Variants in RASSF6 observed in about 807,000 individuals in gnomAD.
The protein encoded by RASSF6 is ras association domain-containing protein 6.
In RASSF6, 52 loss-of-function variants were observed where a neutral mutation model predicts 44.0. The ratio of observed to expected loss-of-function variants is 1.18; its 90% CI spans 0.95 to 1.49. RASSF6 has a LOEUF of 1.49. Ranked by LOEUF, RASSF6 falls within the 40% of genes most tolerant of loss-of-function variation. The probability of loss-of-function intolerance (pLI) is 0.00; values close to 1 mark genes in which losing one functional copy is unlikely to be tolerated. For missense variants in RASSF6, 464 were observed against 393.3 expected, an observed-to-expected ratio of 1.18 and a Z score of -1.52; for synonymous variants, 162 against 124.6, an observed-to-expected ratio of 1.30 and a Z score of -2.00.
chr4:73,571,749 TATAAAG>T lies in RASSF6; in HGVS notation c.*4480_*4485del, dbSNP rs1249580694. 6.6e-6 allele frequency: 1 copy of T among 151,930 alleles called. No individual in the cohort carries two copies. The highest frequency in any genetic ancestry group is 2.4e-5 in the African/African-American group (1 of 41,398). The allele number at this position is 151,930 out of a possible 1,614,324, so 9.4% of individuals were successfully genotyped here. A position where few individuals can be genotyped will look rare whatever the true frequency, so the allele number is the denominator to read the frequency against. ...GACACAATATTAGGTACAGAAAAGC[TATAAAG>T]ATAAATGTGACACATTCTTTACCAT... On this transcript the variant is annotated 3_prime_UTR_variant, in exon 11 of 11. Coordinates refer to ENST00000307439, the MANE Select transcript of RASSF6 (RefSeq NM_177532.5).
chr4:73,585,388 C>G (rs370363934), intron 5 of RASSF6, 24 bp from the exon 6 acceptor site: 66 of 1,483,686 alleles, frequency 4.4e-5, no homozygotes, highest in Non-Finnish European at 5.9e-5. Flanking sequence ...ATTATAAGCT[C>G]ATATCATTCA....
At chr4:73,608,745 C>T (rs1241504923) in intron 2 of RASSF6, among the ~76,000 whole-genome samples, 1 of 152,166 alleles carries the variant, frequency 6.6e-6, no homozygotes, top group Non-Finnish European at 1.5e-5. Flanking sequence ...GAATGATGCC[C>T]TCCTCTTAGA....
In RASSF6 at chr4:73,576,245, G is replaced by T. The variant is rs542116079; in HGVS notation, c.1004C>A (p.Thr335Lys). 8.4e-6 allele frequency: 13 copies of T among 1,545,428 alleles called. No homozygotes were observed. Among genetic ancestry groups the T allele is most frequent in the Non-Finnish European group, 1.1e-5 (12 of 1,123,586 alleles). ...TAGAAGCTTGTACTGCTAAACTGTT[G>T]TCTCTGTTTTTATTACTAGTTTATT... is the stretch of plus-strand genomic sequence containing the variant. ...LQNKLVIKTE[T>K]TV is the part of the protein sequence containing the mutation. The change falls in exon 11 of 11, where the codon ACA (threonine) becomes AAA (lysine). Residue 335 changes from threonine to lysine, a missense_variant. By Grantham distance (78) the Thr-to-Lys change is moderately conservative (BLOSUM62 -1). Transcript: ENST00000307439.
At chr4:73,583,683 C>T (rs1267146738) in intron 6 of RASSF6, among the ~76,000 whole-genome samples, 5 of 152,068 alleles carry the variant, frequency 3.3e-5, no homozygotes, top group Non-Finnish European at 5.9e-5. Flanking sequence ...CAGTGAATGA[C>T]ATTTGTGTAA....
chr4:73,600,377 C>T lies in RASSF6; in HGVS notation c.66-1659G>A, dbSNP rs894433098. Among the ~76,000 whole-genome samples, 6 of 150,716 alleles carry T rather than the reference C, an allele frequency of 4.0e-5. No individual in the cohort carries two copies. The South Asian group carries it at 1.1e-3, about 26-fold the overall frequency. ...AGGAAGAAAAGCTTTCTCATATAAG[C>T]GGTTTTATAAAAAAAAAAAAGACCC... On this transcript the variant is annotated intron_variant, in intron 2 of 10. Coordinates refer to ENST00000307439, the MANE Select transcript of RASSF6 (RefSeq NM_177532.5).
chr4:73,607,698 C>T (rs1021133844), intron 2 of RASSF6, among the ~76,000 whole-genome samples: 3 of 141,440 alleles, frequency 2.1e-5, no homozygotes, highest in Non-Finnish European at 3.1e-5. Flanking sequence ...GAATCAGAAA[C>T]TCTGGGGATG....
Position 73,574,784 on chromosome 4 carries a change from A to G in RASSF6, c.*1451T>C, listed in dbSNP as rs2149359447. On this transcript the variant is annotated 3_prime_UTR_variant, in exon 11 of 11. Transcript: ENST00000307439. ...TCATATCTACCTTTTTTTTCTATGT[A>G]AGACTTGGTTCTTCTCTTATACATT... is the stretch of plus-strand genomic sequence containing the variant. The G allele has an allele frequency of 6.6e-6, 1 of 151,772 alleles. No homozygotes were observed. Among genetic ancestry groups the G allele is most frequent in the South Asian group, 2.1e-4 (1 of 4,802 alleles). The allele number at this position is 151,772 out of a possible 1,614,324, so 9.4% of individuals were successfully genotyped here.
At chr4:73,606,114 C>A (rs1239044792) in intron 2 of RASSF6, among the ~76,000 whole-genome samples, 1 of 152,186 alleles carries the variant, frequency 6.6e-6, no homozygotes, top group South Asian at 2.1e-4. Context: ...CATACACACC[C>A]CTGTGTTTAT....
rs746764672 is a variant in RASSF6, at chr4:73,581,888, A to T, written c.670-20T>A. 5 of 1,590,556 alleles carry T rather than the reference A, an allele frequency of 3.1e-6. No individual in the cohort carries two copies. The highest frequency in any genetic ancestry group is 4.3e-6 in the Non-Finnish European group (5 of 1,159,650). Reference sequence around the variant, plus strand: ...TTCAATCTGTCAAGGGAAAAAATGAACAAATATAAATTCTTTGTTGTTATA... The same window carrying T: ...TTCAATCTGTCAAGGGAAAAAATGATCAAATATAAATTCTTTGTTGTTATA... On this transcript the variant is annotated intron_variant, in intron 7 of 10. Coordinates refer to ENST00000307439, the MANE Select transcript of RASSF6 (RefSeq NM_177532.5).
intron 2 of RASSF6, among the ~76,000 whole-genome samples, chr4:73,601,607 G>A (rs1725282120): frequency 6.6e-6 from 1 of 152,198 alleles, no homozygotes; most frequent in Admixed American, 6.5e-5. Context: ...GCAATACAAA[G>A]CAAGGAATTA....
intron 8 of RASSF6, among the ~76,000 whole-genome samples, chr4:73,580,218 A>C (rs1191195614): frequency 2.3e-3 from 352 of 151,326 alleles, no homozygotes; most frequent in African/African-American, 7.3e-3. Context: ...TTTTTTATGG[A>C]TGCATAGTAT....
At chr4:73,610,961 C>T (rs1282881685) in intron 2 of RASSF6, among the ~76,000 whole-genome samples, 5 of 152,178 alleles carry the variant, frequency 3.3e-5, no homozygotes, top group Non-Finnish European at 5.9e-5. Context: ...TTTCCCACTG[C>T]TTATAGTTCA....
chr4:73,582,952 A>C (rs1340557742), intron 6 of RASSF6, among the ~76,000 whole-genome samples: 3 of 152,104 alleles, frequency 2.0e-5, no homozygotes, highest in African/African-American at 7.2e-5. Flanking sequence ...AAGTATGAGA[A>C]AATTCAATAT....
intron 8 of RASSF6, among the ~76,000 whole-genome samples, chr4:73,578,351 T>C (rs1723380870): frequency 6.6e-6 from 1 of 152,160 alleles, no homozygotes; most frequent in African/African-American, 2.4e-5. Context: ...TCAAATCTTG[T>C]ACAACCTAGC....
intron 5 of RASSF6, among the ~76,000 whole-genome samples, chr4:73,587,604 T>C (rs1400971575): frequency 6.6e-6 from 1 of 151,976 alleles, no homozygotes. Flanking sequence ...TGACATAATA[T>C]AATTTTTTTA....
In RASSF6 at chr4:73,608,027, C is replaced by T. The variant is rs1725766084; in HGVS notation, c.65+3704G>A. Among the ~76,000 whole-genome samples the T allele has an allele frequency of 1.7e-5, 2 of 114,288 alleles. 1 individual carries two copies. Among genetic ancestry groups the T allele is most frequent in the Non-Finnish European group, 3.7e-5 (2 of 54,482 alleles). 75.0% of individuals were successfully genotyped at this position (114,288 alleles called of 152,430 possible). A position where few individuals can be genotyped will look rare whatever the true frequency, so the allele number is the denominator to read the frequency against. The stretch of plus-strand genomic sequence containing the variant: ...CTCCTCTCCTCTCCTCTCCTCCATC[C>T]CCTCCCCTCCCCTCCCCTCTCCTCT... On this transcript the variant is annotated intron_variant, in intron 2 of 10. Coordinates refer to ENST00000307439, the MANE Select transcript of RASSF6 (RefSeq NM_177532.5).
chr4:73,591,024 C>A (rs1724510563), intron 4 of RASSF6, among the ~76,000 whole-genome samples: 1 of 152,012 alleles, frequency 6.6e-6, no homozygotes, highest in Non-Finnish European at 1.5e-5. Context: ...GAAACTCATC[C>A]AAAAATTCAG....
intron 2 of RASSF6, among the ~76,000 whole-genome samples, 153 bp downstream of exon 2, chr4:73,611,578 G>A (rs903624501): frequency 6.6e-6 from 1 of 151,654 alleles, no homozygotes; most frequent in Non-Finnish European, 1.5e-5. Context: ...AGAGTCTTTA[G>A]GAACATACTT....
chr4:73,586,401 G>A (rs961393119), intron 5 of RASSF6, among the ~76,000 whole-genome samples: 1 of 151,994 alleles, frequency 6.6e-6, no homozygotes, highest in African/African-American at 2.4e-5. Context: ...AACAACTCTA[G>A]TATCTATTGA....
Sources: allele counts gnomAD v4.1 joint callset (sites outside exome capture counted in the v4.1 genomes callset), GRCh38; gene constraint gnomAD v4.1.1; transcripts MANE v1.5; gene names NCBI Gene and HGNC (gene_info 2026-07-23, HGNC 2026-07-21).